LMF1: variants seen among roughly 807,000 people sequenced by gnomAD.
LMF1 encodes the protein lipase maturation factor 1.
LMF1 carries 68 observed loss-of-function variants against 60.6 expected under a neutral mutation model. The observed-to-expected ratio is 1.12, with a 90% CI of 0.92 to 1.37. LMF1 has a LOEUF of 1.37. Ranked by LOEUF, LMF1 falls within the 40% of genes most tolerant of loss-of-function variation. The pLI is 0.00. For synonymous variants in LMF1, 418 were observed against 324.7 expected (o/e 1.29, Z -3.09); for missense variants, 948 against 767.2 (o/e 1.24, Z -2.78).
chr16:980,100 C>T (rs933995513), intron 1 of LMF1: 11 of 284,296 alleles, frequency 3.9e-5, no homozygotes, highest in African/African-American at 2.4e-4. Flanking sequence ...TCGCGCACTC[C>T]GTCTCCCCAC....
Position 914,091 on chromosome 16 carries a change from G to C in LMF1, c.515-3012C>G, listed in dbSNP as rs556249766. On this transcript the variant is annotated intron_variant, in intron 3 of 10. Coordinates refer to ENST00000262301, the MANE Select transcript of LMF1 (RefSeq NM_022773.4). ...CCTGGGCGGCTGCAGCTACACGCAC[G>C]GTCTTCTGAGGCCCTACGAGATGCT... Among the ~76,000 whole-genome samples, 347 of 152,162 alleles carry C rather than the reference G, an allele frequency of 2.3e-3. 1 individual carries two copies. Among genetic ancestry groups the C allele is most frequent in the African/African-American group, 8.0e-3 (334 of 41,498 alleles).
chr16:973,889 A>G (rs2073089350), upstream of LMF1, among the ~76,000 whole-genome samples: 1 of 152,028 alleles, frequency 6.6e-6, no homozygotes, highest in South Asian at 2.1e-4. Context: ...GGGCGCCTGT[A>G]GTCCCAGCTA....
intron 4 of LMF1, among the ~76,000 whole-genome samples, chr16:896,188 G>A (rs1396018488): frequency 2.2e-5 from 2 of 89,880 alleles, no homozygotes; most frequent in East Asian, 3.6e-4. Flanking sequence ...CAGGCTGCAC[G>A]GTCCACAGAC....
chr16:879,817 C>A (rs926450032), intron 5 of LMF1, 80 bp from the exon 6 acceptor site: 6 of 1,393,352 alleles, frequency 4.3e-6, no homozygotes, highest in East Asian at 2.5e-5. Context: ...GGTCCCTGGC[C>A]CCCTGACCCC....
intron 5 of LMF1, chr16:885,136 C>T (rs928684339): frequency 6.6e-6 from 1 of 152,322 alleles, no homozygotes; most frequent in African/African-American, 2.4e-5. Context: ...TTGTAAAATT[C>T]TTTCAGCATT....
At chr16:857,193 G>C (rs2151677287) in intron 10 of LMF1, among the ~76,000 whole-genome samples, 1 of 152,336 alleles carries the variant, frequency 6.6e-6, no homozygotes, top group East Asian at 1.9e-4. Context: ...GCTCTTTGCA[G>C]TTTTTGTCTG....
At chr16:871,431 G>C (rs2069790418) in intron 6 of LMF1, 90 bp from the exon 7 acceptor site, 5 of 1,267,202 alleles carry the variant, frequency 3.9e-6, no homozygotes, top group South Asian at 2.7e-5. Flanking sequence ...AGGGAGGGGG[G>C]AGGGAACCTG....
upstream of LMF1, among the ~76,000 whole-genome samples, chr16:972,342 T>C (rs961373720): frequency 6.6e-6 from 1 of 152,252 alleles, no homozygotes; most frequent in African/African-American, 2.4e-5. Flanking sequence ...ATCCTCCGCA[T>C]GCTGGCCCAG....
intron 3 of LMF1, among the ~76,000 whole-genome samples, chr16:929,397 T>TG (rs1326187773): frequency 3.3e-5 from 5 of 152,136 alleles, no homozygotes; most frequent in African/African-American, 1.2e-4. Context: ...GGGGCCAAAC[T>TG]GGGGGTCAGG....
intron 2 of LMF1, among the ~76,000 whole-genome samples, chr16:944,068 C>T (rs2072177407): frequency 6.6e-6 from 1 of 152,186 alleles, no homozygotes; most frequent in Admixed American, 6.5e-5. Flanking sequence ...CAGTCTAGAA[C>T]AGCCCTTTTC....
chr16:947,325 C>G (rs1043660649), intron 2 of LMF1: 2 of 373,618 alleles, frequency 5.4e-6, no homozygotes, highest in Non-Finnish European at 1.1e-5. Flanking sequence ...CAGGGAGGGC[C>G]CCACCCACCC....
chr16:976,980 C>G (rs3803698), intron 1 of LMF1: 4 of 453,784 alleles, frequency 8.8e-6, no homozygotes, highest in African/African-American at 6.0e-5. Context: ...TGGAAATGCT[C>G]GTCCTCCGTG....
intron 4 of LMF1, chr16:903,860 T>A (rs1368162854): frequency 8.6e-6 from 1 of 116,468 alleles, no homozygotes; most frequent in African/African-American, 4.9e-5. Context: ...GACGCCTGTC[T>A]CTGCTGCGTG....
At chr16:900,581 C>T (rs1048836170) in intron 4 of LMF1, 3 of 152,220 alleles carry the variant, frequency 2.0e-5, no homozygotes, top group African/African-American at 7.2e-5. Flanking sequence ...ACGATCTTGG[C>T]TCACTGCAAC....
chr16:971,075 G>T, upstream of LMF1: 2 of 1,272,842 alleles, frequency 1.6e-6, no homozygotes, highest in Non-Finnish European at 2.0e-6. Context: ...CCCTGCCCAC[G>T]GCCGAAGGCC....
chr16:866,686 T>C (rs759050284), intron 10 of LMF1, among the ~76,000 whole-genome samples: 1 of 152,088 alleles, frequency 6.6e-6, no homozygotes, highest in Non-Finnish European at 1.5e-5. Context: ...GGGGCCATGG[T>C]TTTTTCTGTG....
intron 1 of LMF1, among the ~76,000 whole-genome samples, chr16:956,930 G>A (rs111875467): frequency 1.3e-5 from 2 of 151,872 alleles, no homozygotes; most frequent in African/African-American, 4.8e-5. Flanking sequence ...TGAGGCGGGT[G>A]GATCACCTGA....
At chr16:963,843 CAG>C (rs113388767) in intron 1 of LMF1, among the ~76,000 whole-genome samples, 48,711 of 152,004 alleles carry the variant, frequency 0.32, 8,024 homozygotes, top group Non-Finnish European at 0.36. Flanking sequence ...ATTGAGATTT[CAG>C]AGAGAAAAAA....
rs1467807343 is a variant in LMF1 at position 959,571 on chromosome 16, A to C, written c.194-4905T>G. On this transcript the variant is annotated intron_variant, in intron 1 of 10. Coordinates refer to ENST00000262301, the MANE Select transcript of LMF1 (RefSeq NM_022773.4). Reference sequence around the variant, plus strand: ...GGAGGTTGGGGGATGCAGATAGAATACAGGCTCCACACGCACGGATGTGAA... The same window carrying C: ...GGAGGTTGGGGGATGCAGATAGAATCCAGGCTCCACACGCACGGATGTGAA... Among the ~76,000 whole-genome samples the C allele has an allele frequency of 5.3e-5, 8 of 152,346 alleles. No homozygotes were observed. In the East Asian group the frequency reaches 1.5e-3, roughly 29 times the overall value.
Sources: allele counts gnomAD v4.1 joint callset (sites outside exome capture counted in the v4.1 genomes callset), GRCh38; gene constraint gnomAD v4.1.1; transcripts MANE v1.5; gene names NCBI Gene and HGNC (gene_info 2026-07-23, HGNC 2026-07-21).